F10: variants seen among roughly 807,000 people sequenced by gnomAD.
The protein encoded by F10 is coagulation factor X, also known as Stuart-Prower factor.
Under a neutral mutation model 37.1 loss-of-function variants are expected in F10, and 29 were observed. That is an observed-to-expected ratio of 0.78 (90% confidence interval 0.58 to 1.07). F10 has a LOEUF of 1.07. Among genes scored for constraint, F10 ranks in the 50% least tolerant of loss-of-function variants. F10 has a pLI of 0.00. For missense variants in F10, 539 were observed against 667.9 expected, an observed-to-expected ratio of 0.81 and a Z score of 2.13; for synonymous variants, 262 against 268.6, an observed-to-expected ratio of 0.98 and a Z score of 0.24.
chr13:113,129,588 G>A lies in F10; in HGVS notation c.207G>A (p.Glu69=). ...EETCSYEEAR[E]VFEDSDKTNE... ...CCTGCTCATACGAAGAGGCCCGCGA[G>A]GTCTTTGAGGACAGCGACAAGACGG... The change falls in exon 2 of 8, where the codon GAG becomes GAA. Residue 69 remains glutamate, a synonymous_variant. Coordinates refer to ENST00000375559, the MANE Select transcript of F10 (RefSeq NM_000504.4). 6.2e-7 allele frequency: 1 copy of A among 1,614,240 alleles called. No homozygotes were observed. Among genetic ancestry groups the A allele is most frequent in the Non-Finnish European group, 8.5e-7 (1 of 1,180,032 alleles).
At chr13:113,130,210 A>C (rs966168110) in intron 2 of F10, 42 of 165,846 alleles carry the variant, frequency 2.5e-4, no homozygotes, top group Non-Finnish European at 4.6e-4. Context: ...CCTGCGCAGC[A>C]GGAAGACCGG....
At chr13:113,147,341 C>T (rs977449131) in intron 6 of F10, 38 bp from the exon 7 acceptor site, 1 of 1,444,696 alleles carries the variant, frequency 6.9e-7, no homozygotes, top group African/African-American at 1.4e-5. Flanking sequence ...CACCTGTCCA[C>T]CTGGCCAGCC....
Position 113,149,272 on chromosome 13 carries a change from G to A in F10, c.1222G>A (p.Asp408Asn), listed in dbSNP as rs369409423. ...ITQNMFCAGYDTKQEDACQGD... is the reference protein window; with the variant it reads ...ITQNMFCAGYNTKQEDACQGD... ...CCAGAACATGTTCTGTGCCGGCTAC[G>A]ACACCAAGCAGGAGGATGCCTGCCA... Residue 408 changes from aspartate (D) to asparagine (N), a missense_variant, in exon 8 of 8, where the codon GAC becomes AAC. Coordinates refer to ENST00000375559, the MANE Select transcript of F10 (RefSeq NM_000504.4). This position sits in a 1 kb window ranked among gnomAD's most constrained non-coding sequence, Gnocchi z 7.5. The A allele has an allele frequency of 7.4e-5, 119 of 1,613,054 alleles. No homozygotes were observed. Among genetic ancestry groups the A allele is most frequent in the African/African-American group, 2.7e-4 (20 of 74,930 alleles).
At chr13:113,130,129 G>C (rs693335) in intron 2 of F10, 112,046 of 193,390 alleles carry the variant, frequency 0.58, 32,778 homozygotes, top group South Asian at 0.68. Flanking sequence ...GAGGCCGGGC[G>C]GCGAACCCGG....
intron 2 of F10, among the ~76,000 whole-genome samples, chr13:113,134,950 T>C (rs754921925): frequency 6.6e-6 from 1 of 152,070 alleles, no homozygotes; most frequent in Non-Finnish European, 1.5e-5. Context: ...TATTAAGATA[T>C]CAATTTTCGG....
intron 1 of F10, among the ~76,000 whole-genome samples, chr13:113,127,647 T>C (rs768468291): frequency 3.3e-5 from 5 of 152,160 alleles, no homozygotes; most frequent in Non-Finnish European, 2.9e-5. Flanking sequence ...ATCAACTCAG[T>C]ATTTTTTTTT....
intron 6 of F10, 70 bp from the exon 7 acceptor site, chr13:113,147,309 A>T: frequency 1.9e-6 from 2 of 1,037,688 alleles, no homozygotes; most frequent in South Asian, 2.5e-5. Flanking sequence ...CCACCTGAAG[A>T]GCTGGCTTCT....
intron 2 of F10, 86 bp downstream of exon 2, chr13:113,129,698 GGCGGCCTGGAGGAAGGGGCA>G (rs2036409968): frequency 6.3e-7 from 1 of 1,580,954 alleles, no homozygotes; most frequent in African/African-American, 1.3e-5. Context: ...CATCCAGGGG[GGCGGCCTGGAGGAAGGGGCA>G]GCGTGCGCGA....
At position 113,136,126 on chromosome 13, in the gene F10, CAT is replaced by C. The variant is rs372618898; in HGVS notation, c.232-2330_232-2329del. 7.3e-3 allele frequency among the ~76,000 whole-genome samples: 1,108 copies of C among 152,198 alleles called. 7 individuals carry two copies. Among genetic ancestry groups the C allele is most frequent in the African/African-American group, 0.02 (837 of 41,522 alleles). Reference sequence around the variant, plus strand: ...AGAGGATATATGGATAGAAAATAAACATGTGAGAAGATACTCAACATTATTAG... The same window carrying C: ...AGAGGATATATGGATAGAAAATAAACGTGAGAAGATACTCAACATTATTAG... On this transcript the variant is annotated intron_variant, in intron 2 of 7. Transcript: ENST00000375559.
intron 5 of F10, among the ~76,000 whole-genome samples, chr13:113,142,292 A>C (rs1456773207): frequency 6.6e-6 from 1 of 152,196 alleles, no homozygotes; most frequent in Non-Finnish European, 1.5e-5. Flanking sequence ...CTGTAATCCC[A>C]GCATTTTGGG....
chr13:113,143,726 TGCCC>T lies in F10; in HGVS notation c.503-124_503-121del. The stretch of plus-strand genomic sequence containing the variant: ...GTGGGGCCTCGCCCTGCAAGCCCGC[TGCCC>T]CTCCGGGTGCCCCTGCGCTCTGCCT... On this transcript the variant is annotated intron_variant, in intron 5 of 7. Transcript: ENST00000375559. The surrounding 1 kb of genome is among the most constrained non-coding windows in gnomAD (Gnocchi z 6.8). 4.7e-4 allele frequency: 662 copies of T among 1,419,104 alleles called. No individual in the cohort carries two copies. The highest frequency in any genetic ancestry group is 3.4e-3 in the Admixed American group (171 of 49,860). 87.9% of individuals were successfully genotyped at this position (1,419,104 alleles called of 1,614,324 possible).
chr13:113,126,045 A>G (rs192286115), intron 1 of F10, among the ~76,000 whole-genome samples: 35 of 152,160 alleles, frequency 2.3e-4, no homozygotes, highest in African/African-American at 8.2e-4. Flanking sequence ...GACTGGTGCA[A>G]AAGTCCTGGG....
intron 2 of F10, among the ~76,000 whole-genome samples, chr13:113,133,085 T>TA (rs1284585619): frequency 6.6e-5 from 10 of 152,054 alleles, no homozygotes; most frequent in African/African-American, 4.8e-5. Context: ...GGGATGCAGC[T>TA]AAAAAAGCAG....
At position 113,141,603 on chromosome 13, in the gene F10, A is replaced by C. The variant is rs2036528306; in HGVS notation, c.502+553A>C. Among the ~76,000 whole-genome samples, 1 of 152,194 alleles carries C rather than the reference A, an allele frequency of 6.6e-6. No homozygotes were observed. The highest frequency in any genetic ancestry group is 2.1e-4 in the South Asian group (1 of 4,836). On this transcript the variant is annotated intron_variant, in intron 5 of 7. Transcript: ENST00000375559. The surrounding 1 kb of genome is among the most constrained non-coding windows in gnomAD (Gnocchi z 5.4). Reference sequence around the variant, plus strand: ...GACAACAGGCGGCCAGAGGGCAGTGAGCACAGGACAGGCAGGGGACTGGGC... The same window carrying C: ...GACAACAGGCGGCCAGAGGGCAGTGCGCACAGGACAGGCAGGGGACTGGGC...
At chr13:113,147,530 G>C in intron 7 of F10, 34 bp downstream of exon 7, 1 of 1,248,024 alleles carries the variant, frequency 8.0e-7, no homozygotes, top group Non-Finnish European at 1.2e-6. Context: ...GCCGTGGTGA[G>C]GGGCACCGTC....
intron 1 of F10, among the ~76,000 whole-genome samples, chr13:113,124,834 C>T (rs1422960340): frequency 3.3e-5 from 5 of 152,236 alleles, no homozygotes; most frequent in South Asian, 2.1e-4. Flanking sequence ...AAAATCAAGG[C>T]GTCAGCGGGG....
In F10 at chr13:113,141,347, G is replaced by A. The variant is rs909278800; in HGVS notation, c.502+297G>A. 9.9e-5 allele frequency among the ~76,000 whole-genome samples: 15 copies of A among 152,210 alleles called. No individual in the cohort carries two copies. Among genetic ancestry groups the A allele is most frequent in the African/African-American group, 3.6e-4 (15 of 41,460 alleles). Reference sequence around the variant, plus strand: ...CCTGACTGCTTGGGTGATCCCTGGAGCACTTTGCATGATGCCTGGCCCACC... The same window carrying A: ...CCTGACTGCTTGGGTGATCCCTGGAACACTTTGCATGATGCCTGGCCCACC... On this transcript the variant is annotated intron_variant, in intron 5 of 7. Coordinates refer to ENST00000375559, the MANE Select transcript of F10 (RefSeq NM_000504.4). This position sits in a 1 kb window ranked among gnomAD's most constrained non-coding sequence, Gnocchi z 5.4.
At chr13:113,148,150 C>T (rs897091490) in intron 7 of F10, among the ~76,000 whole-genome samples, 12 of 151,548 alleles carry the variant, frequency 7.9e-5, no homozygotes. Flanking sequence ...GCCAGCATGG[C>T]GAAACCCCAT....
chr13:113,133,995 T>C (rs2036456712), intron 2 of F10, among the ~76,000 whole-genome samples: 1 of 152,182 alleles, frequency 6.6e-6, no homozygotes, highest in African/African-American at 2.4e-5. Context: ...ATAAAAAACC[T>C]ATCAGCAGAA....
Sources: allele counts gnomAD v4.1 joint callset (sites outside exome capture counted in the v4.1 genomes callset), GRCh38; gene constraint gnomAD v4.1.1; non-coding constraint Gnocchi (gnomAD v3.1); transcripts MANE v1.5; gene names NCBI Gene and HGNC (gene_info 2026-07-23, HGNC 2026-07-21).